The following RPS6KC1 variants were observed in gnomAD, a reference collection of about 807,000 sequenced individuals.
RPS6KC1 encodes the protein ribosomal protein S6 kinase C1.
Under a neutral mutation model 103.8 loss-of-function variants are expected in RPS6KC1, and 54 were observed. The observed-to-expected ratio is 0.52, with a 90% CI of 0.42 to 0.65. RPS6KC1 has a LOEUF of 0.65. Among genes scored for constraint, RPS6KC1 ranks in the 30% least tolerant of loss-of-function variants. The pLI, the probability that RPS6KC1 is intolerant of heterozygous loss-of-function variation, is 0.00. For synonymous variants in RPS6KC1, 439 were observed against 438.7 expected, an observed-to-expected ratio of 1.00 and a Z score of -0.01; for missense variants, 1,151 against 1,253.8, an observed-to-expected ratio of 0.92 and a Z score of 1.24.
At chr1:213,509,879 C>A in the RPS6KC1 span, among the ~76,000 whole-genome samples, 5 of 152,182 alleles carry the variant, frequency 3.3e-5, no homozygotes, top group Admixed American at 2.0e-4. Flanking sequence ...AGATGTATCT[C>A]TTTTATTGAA....
At chr1:213,712,495 G>T in the RPS6KC1 span, among the ~76,000 whole-genome samples, 3 of 152,188 alleles carry the variant, frequency 2.0e-5, no homozygotes, top group Non-Finnish European at 4.4e-5. Context: ...TGGCTCCCTG[G>T]CTTCAGCCCC....
the RPS6KC1 span, among the ~76,000 whole-genome samples, chr1:213,534,376 T>A: frequency 1.4e-4 from 22 of 152,230 alleles, no homozygotes; most frequent in African/African-American, 4.1e-4. Context: ...ACTTCCTATA[T>A]AGTAACTCAT....
At chr1:213,163,197 A>G (rs1396718560) in intron 6 of RPS6KC1, among the ~76,000 whole-genome samples, 1 of 152,242 alleles carries the variant, frequency 6.6e-6, no homozygotes, top group African/African-American at 2.4e-5. Flanking sequence ...GTTGTTAACA[A>G]CAACAACAAA....
At chr1:213,394,711 T>A in the RPS6KC1 span, among the ~76,000 whole-genome samples, 1 of 152,124 alleles carries the variant, frequency 6.6e-6, no homozygotes, top group Non-Finnish European at 1.5e-5. Flanking sequence ...GGAATGGCTG[T>A]ATTGGGGTGT....
At chr1:213,094,328 T>G (rs1046466633) in intron 3 of RPS6KC1, among the ~76,000 whole-genome samples, 1 of 152,176 alleles carries the variant, frequency 6.6e-6, no homozygotes, top group African/African-American at 2.4e-5. Context: ...TGATGCAATA[T>G]TATAAAATAG....
the RPS6KC1 span, among the ~76,000 whole-genome samples, chr1:213,584,437 AACAG>A: frequency 6.6e-6 from 1 of 152,210 alleles, no homozygotes; most frequent in Non-Finnish European, 1.5e-5. Flanking sequence ...CTGGTATTCT[AACAG>A]AGAAATGGCT....
chr1:213,565,703 CTTA>C, the RPS6KC1 span, among the ~76,000 whole-genome samples: 3 of 152,218 alleles, frequency 2.0e-5, no homozygotes, highest in Admixed American at 1.3e-4. Context: ...CCAATGTACA[CTTA>C]TTATTTGTAT....
the RPS6KC1 span, among the ~76,000 whole-genome samples, chr1:213,732,429 T>C: frequency 1.3e-5 from 2 of 152,080 alleles, no homozygotes; most frequent in African/African-American, 4.8e-5. Flanking sequence ...TAGATTATCA[T>C]TGATTGATGT....
At chr1:213,300,593 T>G in the RPS6KC1 span, among the ~76,000 whole-genome samples, 1 of 152,110 alleles carries the variant, frequency 6.6e-6, no homozygotes, top group Non-Finnish European at 1.5e-5. Context: ...GGAGGCTCTG[T>G]GTGTGGGGGA....
chr1:213,621,475 C>A, the RPS6KC1 span, among the ~76,000 whole-genome samples: 2 of 151,964 alleles, frequency 1.3e-5, no homozygotes, highest in Non-Finnish European at 2.9e-5. Context: ...GGTCACATGA[C>A]GCCTAAGTCA....
chr1:213,377,352 C>A, the RPS6KC1 span, among the ~76,000 whole-genome samples: 1 of 152,154 alleles, frequency 6.6e-6, no homozygotes, highest in African/African-American at 2.4e-5. Context: ...TCGATTTGAT[C>A]TTTCTGAGGT....
the RPS6KC1 span, among the ~76,000 whole-genome samples, chr1:213,424,465 C>T: frequency 6.6e-6 from 1 of 152,232 alleles, no homozygotes; most frequent in Non-Finnish European, 1.5e-5. Context: ...CTGCCAAAGG[C>T]TTCAGAGCAT....
At chr1:213,104,329 T>G (rs1351206339) in intron 3 of RPS6KC1, 125 bp from the exon 4 acceptor site, 1 of 550,034 alleles carries the variant, frequency 1.8e-6, no homozygotes, top group Non-Finnish European at 3.3e-6. Context: ...ACTTCAGAAG[T>G]TTGCATAATA....
At chr1:213,782,473 G>C in the RPS6KC1 span, among the ~76,000 whole-genome samples, 2 of 151,998 alleles carry the variant, frequency 1.3e-5, no homozygotes, top group African/African-American at 4.8e-5. Context: ...ATTTTGTGAT[G>C]AGGAAGAAAA....
chr1:213,647,795 G>C, the RPS6KC1 span, among the ~76,000 whole-genome samples: 1 of 152,108 alleles, frequency 6.6e-6, no homozygotes, highest in Non-Finnish European at 1.5e-5. Context: ...TAAGTGGTTA[G>C]GTCCTATGTC....
At chr1:213,056,527 G>T (rs1364426829) in intron 1 of RPS6KC1, among the ~76,000 whole-genome samples, 1 of 152,236 alleles carries the variant, frequency 6.6e-6, no homozygotes, top group African/African-American at 2.4e-5. Context: ...ATAAGTAACT[G>T]TGATGATGTG....
chr1:213,110,030 T>A (rs1177778425), intron 4 of RPS6KC1, among the ~76,000 whole-genome samples: 1 of 152,198 alleles, frequency 6.6e-6, no homozygotes, highest in African/African-American at 2.4e-5. Flanking sequence ...TGTTTTTGCT[T>A]ATGGCTGTTA....
chr1:213,236,271 G>A (rs149230232), intron 10 of RPS6KC1, among the ~76,000 whole-genome samples: 1 of 152,256 alleles, frequency 6.6e-6, no homozygotes, highest in African/African-American at 2.4e-5. Flanking sequence ...AACTGCTGGC[G>A]TAGGTCGTAA....
At chr1:213,232,035 T>A in intron 9 of RPS6KC1, 88 bp from the exon 10 acceptor site, 1 of 1,516,182 alleles carries the variant, frequency 6.6e-7, no homozygotes, top group Non-Finnish European at 9.0e-7. Flanking sequence ...GATAGATTAG[T>A]TTGGTTGATA....
Sources: allele counts gnomAD v4.1 joint callset (sites outside exome capture counted in the v4.1 genomes callset), GRCh38; gene constraint gnomAD v4.1.1; transcripts MANE v1.5; gene names NCBI Gene and HGNC (gene_info 2026-07-23, HGNC 2026-07-21).